NALF1: variants seen among roughly 807,000 people sequenced by gnomAD.
The protein encoded by NALF1 is family with sequence similarity 155 member A.
NALF1 carries 3 observed loss-of-function variants against 48.4 expected under a neutral mutation model. The ratio of observed to expected loss-of-function variants is 0.06; its 90% CI spans 0.03 to 0.16. The LOEUF is 0.16. Among genes scored for constraint, NALF1 ranks in the 10% least tolerant of loss-of-function variants. NALF1 has a pLI of 1.00. For missense variants in NALF1, 526 were observed against 571.5 expected (o/e 0.92, Z 0.81); for synonymous variants, 262 against 245.7 (o/e 1.07, Z -0.62).
intron 1 of NALF1, among the ~76,000 whole-genome samples, chr13:107,699,491 C>T (rs1165615469): frequency 6.6e-6 from 1 of 152,202 alleles, no homozygotes; most frequent in African/African-American, 2.4e-5. Context: ...CTCTGTCCAG[C>T]AACATTTATG....
intron 1 of NALF1, among the ~76,000 whole-genome samples, chr13:107,228,324 A>G (rs1178727346): frequency 1.3e-5 from 2 of 152,208 alleles, no homozygotes; most frequent in African/African-American, 2.4e-5. Flanking sequence ...ATAATGTTAG[A>G]CAATCCTGCA....
At chr13:107,628,983 A>C (rs1337513492) in intron 1 of NALF1, among the ~76,000 whole-genome samples, 4 of 152,126 alleles carry the variant, frequency 2.6e-5, no homozygotes, top group African/African-American at 9.7e-5. Flanking sequence ...GTGTACTTAC[A>C]GTCTGTTCTC....
rs1878625939 is a variant in NALF1, at chr13:107,164,803, A to C, written c.*5694T>G. The C allele has an allele frequency of 1.3e-5, 2 of 152,106 alleles. No individual in the cohort carries two copies. The allele number at this position is 152,106 out of a possible 1,614,324, so 9.4% of individuals were successfully genotyped here. On this transcript the variant is annotated 3_prime_UTR_variant, in exon 3 of 3. Coordinates refer to ENST00000375915, the MANE Select transcript of NALF1 (RefSeq NM_001080396.3). ...GGATGTGAGGTGTTGTTAAAAAAAA[A>C]ATGTAATTAAGAGATAAGCCAAAGA... is the stretch of plus-strand genomic sequence containing the variant.
chr13:107,363,474 C>A (rs996303259), intron 1 of NALF1, among the ~76,000 whole-genome samples: 7 of 152,144 alleles, frequency 4.6e-5, no homozygotes, highest in African/African-American at 1.7e-4. Flanking sequence ...TGGCACACGC[C>A]TATAGTCCCA....
At chr13:107,569,486 A>T (rs1877922702) in intron 1 of NALF1, among the ~76,000 whole-genome samples, 1 of 152,174 alleles carries the variant, frequency 6.6e-6, no homozygotes, top group South Asian at 2.1e-4. Flanking sequence ...AAAAAAAGAA[A>T]AAAAGGGCTA....
At chr13:107,485,738 T>C (rs1885318592) in intron 1 of NALF1, among the ~76,000 whole-genome samples, 1 of 152,194 alleles carries the variant, frequency 6.6e-6, no homozygotes, top group Non-Finnish European at 1.5e-5. Flanking sequence ...ACAACTTCTT[T>C]AAGCAATTTT....
intron 1 of NALF1, among the ~76,000 whole-genome samples, chr13:107,406,618 C>T (rs1436675189): frequency 1.9e-4 from 29 of 151,976 alleles, no homozygotes; most frequent in Non-Finnish European, 1.5e-5. Context: ...AAGACAATCT[C>T]TATCTCTATT....
chr13:107,639,840 T>C (rs1255009991), intron 1 of NALF1, among the ~76,000 whole-genome samples: 2 of 152,194 alleles, frequency 1.3e-5, no homozygotes, highest in Non-Finnish European at 2.9e-5. Flanking sequence ...CTACAAAGTG[T>C]TATTATGAGT....
chr13:107,493,526 T>G (rs929120764), intron 1 of NALF1, among the ~76,000 whole-genome samples: 1 of 152,058 alleles, frequency 6.6e-6, no homozygotes, highest in African/African-American at 2.4e-5. Context: ...CAGTTAGGAA[T>G]GTATAGAAAT....
At chr13:107,823,838 T>C (rs1362085393) in intron 1 of NALF1, among the ~76,000 whole-genome samples, 1 of 152,172 alleles carries the variant, frequency 6.6e-6, no homozygotes, top group Non-Finnish European at 1.5e-5. Flanking sequence ...ACCTGCTTGC[T>C]TTCAGTGCTC....
At chr13:107,225,405 T>G (rs1488479479) in intron 1 of NALF1, among the ~76,000 whole-genome samples, 1 of 152,142 alleles carries the variant, frequency 6.6e-6, no homozygotes, top group African/African-American at 2.4e-5. Context: ...GCCTCCTGAG[T>G]AACTGGGACA....
intron 1 of NALF1, among the ~76,000 whole-genome samples, chr13:107,745,765 G>A (rs918545442): frequency 3.9e-5 from 6 of 152,044 alleles, no homozygotes; most frequent in African/African-American, 1.2e-4. Flanking sequence ...GTTGTGGAAG[G>A]GACCTTCTTG....
At chr13:107,721,825 G>A (rs1005642301) in intron 1 of NALF1, among the ~76,000 whole-genome samples, 2 of 152,240 alleles carry the variant, frequency 1.3e-5, no homozygotes, top group African/African-American at 4.8e-5. Flanking sequence ...GAACTGCAGC[G>A]CGGTGAGGAG....
intron 1 of NALF1, among the ~76,000 whole-genome samples, chr13:107,627,032 A>G (rs1879692728): frequency 6.6e-6 from 1 of 152,222 alleles, no homozygotes; most frequent in East Asian, 1.9e-4. Flanking sequence ...TACAAGGAGC[A>G]ATTCTCCAAG....
intron 1 of NALF1, among the ~76,000 whole-genome samples, chr13:107,299,206 G>A (rs1157099584): frequency 6.6e-6 from 1 of 151,988 alleles, no homozygotes; most frequent in East Asian, 1.9e-4. Context: ...GCATCCGATT[G>A]GAGGGTCATG....
chr13:107,529,282 G>A lies in NALF1; in HGVS notation c.916-318527C>T, dbSNP rs906004233. 5.3e-5 allele frequency among the ~76,000 whole-genome samples: 8 copies of A among 152,176 alleles called. No homozygotes were observed. The South Asian group carries it at 1.5e-3, about 28-fold the overall frequency. ...AATAATTATTCAAGAGCAGAGAAACGAGACCATAGCTCTGGTATTAACAAG... is the reference window on the plus strand; with the variant it reads ...AATAATTATTCAAGAGCAGAGAAACAAGACCATAGCTCTGGTATTAACAAG... On this transcript the variant is annotated intron_variant, in intron 1 of 2. Transcript: ENST00000375915.
At chr13:107,452,396 C>A (rs1884756781) in intron 1 of NALF1, among the ~76,000 whole-genome samples, 1 of 152,118 alleles carries the variant, frequency 6.6e-6, no homozygotes, top group Non-Finnish European at 1.5e-5. Context: ...GAAAATAAAG[C>A]AAGGCATCTT....
chr13:107,783,217 C>T (rs567810489), intron 1 of NALF1, among the ~76,000 whole-genome samples: 3,056 of 83,466 alleles, frequency 0.037, 172 homozygotes, highest in Non-Finnish European at 0.057. Context: ...GCCCGGCCAG[C>T]CGCCCCGTCC....
intron 1 of NALF1, among the ~76,000 whole-genome samples, chr13:107,413,659 A>G (rs1029029783): frequency 1.3e-5 from 2 of 151,986 alleles, no homozygotes; most frequent in Non-Finnish European, 2.9e-5. Context: ...TTTTTTCTCC[A>G]CTACATTGAT....
Sources: gnomAD v4.1 joint callset for allele counts (sites outside exome capture counted in the v4.1 genomes callset) on GRCh38, gnomAD v4.1.1 for gene constraint, MANE v1.5 for transcripts, NCBI Gene and HGNC (gene_info 2026-07-23, HGNC 2026-07-21) for gene names.